Variants in ESRRG observed in about 807,000 individuals in gnomAD.
ESRRG encodes the protein estrogen related receptor gamma.
Under a neutral mutation model 44.0 loss-of-function variants are expected in ESRRG, and 13 were observed. That is an observed-to-expected ratio of 0.30 (90% CI 0.19 to 0.47). ESRRG has a LOEUF of 0.47. ESRRG is among the 20% of genes least tolerant of loss of function. The pLI is 1.00. For synonymous variants in ESRRG, 215 were observed against 214.6 expected (o/e 1.00, Z -0.02); for missense variants, 395 against 580.6 (o/e 0.68, Z 3.29).
chr1:216,796,953 G>T (rs563393134), intron 2 of ESRRG, among the ~76,000 whole-genome samples: 1 of 151,946 alleles, frequency 6.6e-6, no homozygotes, highest in South Asian at 2.1e-4. Context: ...GTGCAGTGGT[G>T]CGATCTCGGC....
At chr1:217,105,578 C>T (rs2092581565) in intron 1 of ESRRG, among the ~76,000 whole-genome samples, 1 of 152,096 alleles carries the variant, frequency 6.6e-6, no homozygotes, top group Non-Finnish European at 1.5e-5. Flanking sequence ...TTGTGGCCTC[C>T]CCTGGACTCC....
upstream of ESRRG, among the ~76,000 whole-genome samples, chr1:216,725,514 CA>C (rs2087334094): frequency 6.6e-6 from 1 of 151,946 alleles, no homozygotes; most frequent in African/African-American, 2.4e-5. Context: ...ATAAAACAGG[CA>C]TTTTGCAAAA....
intron 2 of ESRRG, among the ~76,000 whole-genome samples, chr1:216,733,842 T>G (rs2089340856): frequency 6.6e-6 from 1 of 151,782 alleles, no homozygotes. Context: ...AATACAAAAT[T>G]AGCCAGGTGT....
At chr1:216,928,390 G>C (rs1227765489) in intron 2 of ESRRG, among the ~76,000 whole-genome samples, 1 of 152,118 alleles carries the variant, frequency 6.6e-6, no homozygotes, top group African/African-American at 2.4e-5. Context: ...AGGTTAAAAA[G>C]AGGAGCATCT....
intron 1 of ESRRG, among the ~76,000 whole-genome samples, chr1:216,688,526 C>G (rs192190313): frequency 1.1e-3 from 161 of 152,078 alleles, no homozygotes; most frequent in African/African-American, 3.7e-3. Context: ...AAAAATAAAA[C>G]AACAAAAAAC....
intron 3 of ESRRG, among the ~76,000 whole-genome samples, chr1:216,615,283 A>G (rs2061264749): frequency 6.6e-6 from 1 of 152,218 alleles, no homozygotes; most frequent in South Asian, 2.1e-4. Context: ...CTTTGCTTAC[A>G]AAGAACAAAA....
chr1:216,627,358 T>G (rs1051752875), intron 3 of ESRRG, among the ~76,000 whole-genome samples: 1 of 152,154 alleles, frequency 6.6e-6, no homozygotes, highest in African/African-American at 2.4e-5. Flanking sequence ...TGAATTCCCC[T>G]CCTTTTCTTT....
intron 3 of ESRRG, among the ~76,000 whole-genome samples, chr1:216,637,181 G>C (rs1289361727): frequency 6.6e-6 from 1 of 152,126 alleles, no homozygotes; most frequent in East Asian, 1.9e-4. Flanking sequence ...AACCTCTTCT[G>C]CTAAACAATA....
rs553426737 is a variant in ESRRG at position 217,125,285 on chromosome 1, GT to G, written c.-230+12381del. On this transcript the variant is annotated intron_variant, in intron 1 of 8. Transcript: ENST00000366940. ...CTGTACAGCACTAGACCTAGCAGTT[GT>G]TGTCTGTACGAAGGATGCTGTGATA... 1.7e-3 allele frequency among the ~76,000 whole-genome samples: 263 copies of G among 152,276 alleles called. 1 individual carries two copies. Among genetic ancestry groups the G allele is most frequent in the African/African-American group, 6.1e-3 (253 of 41,550 alleles).
intron 1 of ESRRG, among the ~76,000 whole-genome samples, chr1:217,135,601 C>G (rs891321525): frequency 1.3e-5 from 2 of 151,944 alleles, no homozygotes; most frequent in East Asian, 3.9e-4. Flanking sequence ...TTTTCGCCCG[C>G]GCGCGCGAAG....
At chr1:216,556,632 T>G (rs2057641670) in intron 5 of ESRRG, among the ~76,000 whole-genome samples, 1 of 152,116 alleles carries the variant, frequency 6.6e-6, no homozygotes. Context: ...AATTCAAGGT[T>G]TTTCATGATG....
intron 5 of ESRRG, among the ~76,000 whole-genome samples, chr1:216,561,788 C>T (rs1010373687): frequency 6.6e-6 from 1 of 152,116 alleles, no homozygotes; most frequent in African/African-American, 2.4e-5. Flanking sequence ...ATTTACAACA[C>T]CCTCAGGTAT....
At chr1:216,626,786 G>T (rs1469274566) in intron 3 of ESRRG, among the ~76,000 whole-genome samples, 1 of 152,166 alleles carries the variant, frequency 6.6e-6, no homozygotes, top group African/African-American at 2.4e-5. Flanking sequence ...TTTGTAACTG[G>T]CCTTGCCCGC....
chr1:216,921,545 A>C (rs563124557), intron 2 of ESRRG, among the ~76,000 whole-genome samples: 6 of 152,124 alleles, frequency 3.9e-5, no homozygotes, highest in Non-Finnish European at 7.4e-5. Flanking sequence ...CAGCCTCTGC[A>C]CTTCTTCACT....
chr1:216,683,506 A>G (rs978751620), intron 1 of ESRRG, among the ~76,000 whole-genome samples: 1 of 152,202 alleles, frequency 6.6e-6, no homozygotes, highest in East Asian at 1.9e-4. Flanking sequence ...CAAGAGTAAG[A>G]AAACAGCTGC....
intron 1 of ESRRG, among the ~76,000 whole-genome samples, chr1:217,123,070 C>T (rs2092842918): frequency 1.3e-5 from 2 of 152,078 alleles, no homozygotes; most frequent in South Asian, 4.1e-4. Context: ...TTGATCCCAA[C>T]TTGATGCAAA....
At chr1:216,573,689 C>T (rs1410383341) in intron 3 of ESRRG, among the ~76,000 whole-genome samples, 2 of 151,354 alleles carry the variant, frequency 1.3e-5, no homozygotes, top group Admixed American at 1.3e-4. Context: ...TTTCCTGCCC[C>T]CTCCCATCAC....
chr1:216,667,741 C>G (rs889319878), intron 2 of ESRRG, among the ~76,000 whole-genome samples: 1 of 143,130 alleles, frequency 7.0e-6, no homozygotes, highest in African/African-American at 2.6e-5. Context: ...TATGAAAAAG[C>G]TTATCCCTTT....
chr1:217,005,046 G>C (rs1330215399), intron 1 of ESRRG, among the ~76,000 whole-genome samples: 1 of 152,116 alleles, frequency 6.6e-6, no homozygotes, highest in East Asian at 1.9e-4. Context: ...TTTGTGATTT[G>C]CACAAGATAA....
Sources: gnomAD v4.1 joint callset for allele counts (sites outside exome capture counted in the v4.1 genomes callset) on GRCh38, gnomAD v4.1.1 for gene constraint, MANE v1.5 for transcripts, NCBI Gene and HGNC (gene_info 2026-07-23, HGNC 2026-07-21) for gene names.